IL1RAPL1: variants seen among roughly 807,000 people sequenced by gnomAD.
The protein encoded by IL1RAPL1 is interleukin 1 receptor accessory protein like 1, also known as interleukin-1 receptor accessory protein-like 1.
IL1RAPL1 carries 3 observed loss-of-function variants against 48.4 expected under a neutral mutation model. The ratio of observed to expected loss-of-function variants is 0.06; its 90% CI spans 0.03 to 0.16. IL1RAPL1 has a LOEUF of 0.16. IL1RAPL1 is among the 10% of genes least tolerant of loss of function. IL1RAPL1 has a pLI of 1.00. For synonymous variants in IL1RAPL1, 185 were observed against 187.7 expected (o/e 0.99, Z 0.12); for missense variants, 349 against 530.6 (o/e 0.66, Z 3.36).
intron 6 of IL1RAPL1, among the ~76,000 whole-genome samples, chrX:29,713,115 T>G (rs774194844): frequency 4.5e-5 from 5 of 111,883 alleles, no homozygotes; most frequent in Non-Finnish European, 9.4e-5. Flanking sequence ...CAAATATTTA[T>G]GAAGTACATA....
intron 2 of IL1RAPL1, among the ~76,000 whole-genome samples, chrX:29,161,897 C>G (rs765957334): frequency 1.8e-5 from 2 of 112,128 alleles, no homozygotes; most frequent in African/African-American, 3.2e-5. Flanking sequence ...ACTATAAAGA[C>G]ACATGCACAT....
chrX:28,651,645 G>GT (rs1244113228), intron 1 of IL1RAPL1, among the ~76,000 whole-genome samples: 2 of 112,442 alleles, frequency 1.8e-5, no homozygotes, highest in African/African-American at 6.4e-5. Flanking sequence ...ATTTAATTAT[G>GT]TTACAACAAT....
intron 5 of IL1RAPL1, among the ~76,000 whole-genome samples, chrX:29,636,689 T>C (rs144818723): frequency 9.0e-6 from 1 of 111,634 alleles, no homozygotes; most frequent in Non-Finnish European, 1.9e-5. Flanking sequence ...TTCTTGTCCA[T>C]GTGTACTATG....
At chrX:28,892,818 C>T (rs768646711) in intron 2 of IL1RAPL1, among the ~76,000 whole-genome samples, 69 of 110,361 alleles carry the variant, frequency 6.3e-4, no homozygotes, top group Non-Finnish European at 1.1e-3. Context: ...TTATTGGTGA[C>T]GGCCTGGATA....
intron 6 of IL1RAPL1, among the ~76,000 whole-genome samples, chrX:29,860,564 G>A (rs903861841): frequency 2.7e-5 from 3 of 110,565 alleles, no homozygotes; most frequent in Non-Finnish European, 3.8e-5. Context: ...CTGTGTCCAT[G>A]TGTTCTCATT....
At chrX:28,955,923 T>G (rs1924596928) in intron 2 of IL1RAPL1, among the ~76,000 whole-genome samples, 1 of 87,576 alleles carries the variant, frequency 1.1e-5, no homozygotes, top group Non-Finnish European at 2.2e-5. Context: ...CTTCCATTTG[T>G]TTGTATCCTC....
At chrX:28,996,442 G>A (rs1925727364) in intron 2 of IL1RAPL1, among the ~76,000 whole-genome samples, 1 of 111,281 alleles carries the variant, frequency 9.0e-6, no homozygotes, top group Non-Finnish European at 1.9e-5. Context: ...GTCTTTGTAT[G>A]GGCACTTCTT....
intron 5 of IL1RAPL1, among the ~76,000 whole-genome samples, chrX:29,501,499 T>G (rs900584431): frequency 9.0e-6 from 1 of 111,572 alleles, no homozygotes; most frequent in East Asian, 2.8e-4. Flanking sequence ...TGGTGAGAGT[T>G]AGAAATCTTT....
intron 5 of IL1RAPL1, among the ~76,000 whole-genome samples, chrX:29,485,741 C>T (rs993955749): frequency 2.7e-5 from 3 of 111,373 alleles, no homozygotes; most frequent in Non-Finnish European, 5.6e-5. Flanking sequence ...TGGTTAGTGT[C>T]TGTTCTTGTC....
chrX:29,552,801 C>CT (rs1921858754), intron 5 of IL1RAPL1, among the ~76,000 whole-genome samples: 3 of 61,849 alleles, frequency 4.9e-5, no homozygotes, highest in African/African-American at 1.2e-4. Context: ...TTTTCACTCT[C>CT]CTTTTTTTTT....
At chrX:28,797,421 C>T (rs912873553) in intron 2 of IL1RAPL1, among the ~76,000 whole-genome samples, 1 of 111,626 alleles carries the variant, frequency 9.0e-6, no homozygotes, top group East Asian at 2.8e-4. Flanking sequence ...CCTTTAACAG[C>T]ACCCAAGTCA....
intron 3 of IL1RAPL1, among the ~76,000 whole-genome samples, chrX:29,344,872 G>A (rs916438409): frequency 3.0e-4 from 34 of 112,328 alleles, no homozygotes; most frequent in African/African-American, 1.1e-3. Context: ...TCCTGACCTC[G>A]TGATCTGCCC....
intron 5 of IL1RAPL1, among the ~76,000 whole-genome samples, chrX:29,488,855 TG>T (rs1219874800): frequency 1.8e-5 from 2 of 112,179 alleles, no homozygotes; most frequent in African/African-American, 6.5e-5. Context: ...AATTTGTAGG[TG>T]GGGGAGACGC....
intron 2 of IL1RAPL1, among the ~76,000 whole-genome samples, chrX:28,810,828 C>T (rs967751961): frequency 9.1e-6 from 1 of 109,765 alleles, no homozygotes; most frequent in Non-Finnish European, 1.9e-5. Flanking sequence ...ATCTATTATG[C>T]TGTTATGTAA....
rs764961250 is a variant in IL1RAPL1, at chrX:29,067,996, T to C, written c.83-214942T>C. 2.7e-5 allele frequency among the ~76,000 whole-genome samples: 3 copies of C among 112,058 alleles called. No individual in the cohort carries two copies. The South Asian group carries it at 1.1e-3, about 41-fold the overall frequency. On this transcript the variant is annotated intron_variant, in intron 2 of 10. Transcript: ENST00000378993. ...GACAAGAATTTTTTAATGGTCCTTA[T>C]ATTCATTGGTTTTAATTTAGTGGGT... is the stretch of plus-strand genomic sequence containing the variant.
intron 6 of IL1RAPL1, among the ~76,000 whole-genome samples, chrX:29,883,953 T>TAAAC (rs1371816668): frequency 8.9e-6 from 1 of 112,284 alleles, no homozygotes; most frequent in African/African-American, 3.2e-5. Context: ...TTTATTTAAA[T>TAAAC]AAACAAGATG....
chrX:28,823,840 C>A (rs543977321), intron 2 of IL1RAPL1, among the ~76,000 whole-genome samples: 2 of 111,285 alleles, frequency 1.8e-5, no homozygotes, highest in East Asian at 5.7e-4. Context: ...CCAGAATAAT[C>A]TTCCCATCTC....
chrX:29,184,185 T>C (rs148074209), intron 2 of IL1RAPL1, among the ~76,000 whole-genome samples: 1 of 111,615 alleles, frequency 9.0e-6, no homozygotes, highest in African/African-American at 3.3e-5. Flanking sequence ...CTGACTTGTT[T>C]GCGTTTCCAT....
chrX:29,244,473 G>A (rs1338314632), intron 2 of IL1RAPL1, among the ~76,000 whole-genome samples: 1 of 111,713 alleles, frequency 9.0e-6, no homozygotes, highest in East Asian at 2.8e-4. Flanking sequence ...CAGAGCATTC[G>A]GCTCACCTCA....
Sources: gnomAD v4.1 joint callset for allele counts (sites outside exome capture counted in the v4.1 genomes callset) on GRCh38, gnomAD v4.1.1 for gene constraint, MANE v1.5 for transcripts, NCBI Gene and HGNC (gene_info 2026-07-23, HGNC 2026-07-21) for gene names.